The following RBFOX3 variants were observed in gnomAD, a reference collection of about 807,000 sequenced individuals.
RBFOX3 encodes RNA binding fox-1 homolog 3.
A neutral mutation model predicts 48.7 loss-of-function variants in RBFOX3; 17 were observed. The observed-to-expected ratio is 0.35, with a 90% CI of 0.24 to 0.52. The LOEUF is 0.52. RBFOX3 is among the 20% of genes least tolerant of loss of function. The probability of loss-of-function intolerance (pLI) is 0.94; values close to 1 mark genes in which losing one functional copy is unlikely to be tolerated. For synonymous variants in RBFOX3, 212 were observed against 209.5 expected, an observed-to-expected ratio of 1.01 and a Z score of -0.10; for missense variants, 382 against 497.5, an observed-to-expected ratio of 0.77 and a Z score of 2.21.
chr17:79,395,919 A>G (rs1106281), intron 2 of RBFOX3, among the ~76,000 whole-genome samples: 21,800 of 152,180 alleles, frequency 0.14, 1,494 homozygotes, highest in Middle Eastern at 0.2. Context: ...GCCATGGGGC[A>G]TCCCTCACCC....
intron 2 of RBFOX3, among the ~76,000 whole-genome samples, chr17:79,404,235 G>A (rs2063238038): frequency 6.6e-6 from 1 of 152,246 alleles, no homozygotes; most frequent in Non-Finnish European, 1.5e-5. Context: ...GGCCCGTGAG[G>A]ACAGTGGGCG....
intron 2 of RBFOX3, among the ~76,000 whole-genome samples, chr17:79,319,326 G>A (rs1404592509): frequency 6.6e-6 from 1 of 152,252 alleles, no homozygotes; most frequent in African/African-American, 2.4e-5. Context: ...AGGCGAGGAA[G>A]GTAGGAGATG....
At chr17:79,583,205 A>G (rs1366813408) in intron 1 of RBFOX3, among the ~76,000 whole-genome samples, 3 of 152,210 alleles carry the variant, frequency 2.0e-5, no homozygotes, top group Admixed American at 6.5e-5. Flanking sequence ...GGCCTCCCCA[A>G]GCCTCAGCTT....
At position 79,254,001 on chromosome 17, in the gene RBFOX3, C is replaced by G. The variant is rs558294177; in HGVS notation, c.-73-18196G>C. ...AAACCTAAGCACTTTTCTCTTCCCC[C>G]ACGCAGCCTCTGAGGGCGGGTATGG... On this transcript the variant is annotated intron_variant, in intron 3 of 14. Transcript: ENST00000693108. This position sits in a 1 kb window ranked among gnomAD's most constrained non-coding sequence, Gnocchi z 4.8. Among the ~76,000 whole-genome samples the G allele has an allele frequency of 2.2e-4, 33 of 152,304 alleles. No homozygotes were observed. The highest frequency in any genetic ancestry group is 4.3e-4 in the African/African-American group (18 of 41,552).
At chr17:79,173,385 A>G (rs1355604445) in intron 4 of RBFOX3, among the ~76,000 whole-genome samples, 3 of 152,200 alleles carry the variant, frequency 2.0e-5, no homozygotes, top group African/African-American at 7.2e-5. Context: ...GAGACAGCTC[A>G]TGCTAAAGGC....
At chr17:79,454,331 TG>T (rs2074094353) in intron 2 of RBFOX3, among the ~76,000 whole-genome samples, 1 of 152,114 alleles carries the variant, frequency 6.6e-6, no homozygotes, top group Non-Finnish European at 1.5e-5. Context: ...TGCCTACATC[TG>T]TCCTGCCCCA....
chr17:79,232,477 T>A (rs1489271701), intron 4 of RBFOX3, among the ~76,000 whole-genome samples: 2 of 152,084 alleles, frequency 1.3e-5, no homozygotes, highest in Non-Finnish European at 1.5e-5. Flanking sequence ...AGACATAGAC[T>A]CACATACACA....
At chr17:79,640,961 T>C in the RBFOX3 span, among the ~76,000 whole-genome samples, 3 of 152,204 alleles carry the variant, frequency 2.0e-5, no homozygotes, top group African/African-American at 7.2e-5. Flanking sequence ...TGAGATTGCA[T>C]CAAACTAAAA....
chr17:79,440,267 G>C (rs186036433), intron 2 of RBFOX3, among the ~76,000 whole-genome samples: 2 of 152,330 alleles, frequency 1.3e-5, no homozygotes, highest in South Asian at 2.1e-4. Flanking sequence ...TCCTGCGGAC[G>C]GGCCGTGCTT....
chr17:79,334,720 C>A (rs1487454078), intron 2 of RBFOX3, among the ~76,000 whole-genome samples: 1 of 152,222 alleles, frequency 6.6e-6, no homozygotes, highest in African/African-American at 2.4e-5. Flanking sequence ...CACTCCAGCT[C>A]CCACACATCT....
intron 2 of RBFOX3, among the ~76,000 whole-genome samples, chr17:79,476,154 C>T (rs2077713575): frequency 6.6e-6 from 1 of 152,172 alleles, no homozygotes; most frequent in African/African-American, 2.4e-5. Flanking sequence ...GCGGCAGGGC[C>T]CTCCCTTCCC....
At chr17:79,588,296 C>G (rs1180266501) in intron 1 of RBFOX3, among the ~76,000 whole-genome samples, 2 of 152,170 alleles carry the variant, frequency 1.3e-5, no homozygotes, top group Admixed American at 1.3e-4. Flanking sequence ...CATGTGTTTT[C>G]TAATGCACTT....
Position 79,176,506 on chromosome 17 carries a change from C to G in RBFOX3, c.-34+59260G>C, listed in dbSNP as rs145264461. On this transcript the variant is annotated intron_variant, in intron 4 of 14. Coordinates refer to ENST00000693108, the MANE Select transcript of RBFOX3 (RefSeq NM_001350451.2). ...CCTTCCAGAGCCGAACTCGCTGCCC[C>G]GGAGGGACTGTGAAACCAATGGCCA... Among the ~76,000 whole-genome samples the G allele has an allele frequency of 4.6e-3, 703 of 152,372 alleles. 6 individuals are homozygous for G. The highest frequency in any genetic ancestry group is 0.022 in the South Asian group (105 of 4,826).
chr17:79,347,614 G>A (rs2083130480), intron 2 of RBFOX3, among the ~76,000 whole-genome samples: 2 of 151,986 alleles, frequency 1.3e-5, no homozygotes, highest in South Asian at 2.1e-4. Flanking sequence ...ATTCACAAAT[G>A]CATTCCTCAG....
chr17:79,114,578 G>A (rs916092931), intron 5 of RBFOX3, among the ~76,000 whole-genome samples: 2 of 152,364 alleles, frequency 1.3e-5, no homozygotes, highest in South Asian at 2.1e-4. Context: ...CAGGCTGGAC[G>A]GCAGGAGGGC....
At chr17:79,119,842 G>A (rs978640040) in intron 4 of RBFOX3, among the ~76,000 whole-genome samples, 3 of 152,196 alleles carry the variant, frequency 2.0e-5, no homozygotes, top group Admixed American at 6.5e-5. Flanking sequence ...CTAGAGAAGT[G>A]TCCACACCTG....
intron 3 of RBFOX3, among the ~76,000 whole-genome samples, chr17:79,259,554 C>CAGGACTCTGGGGGCCCAGGT (rs1461265113): frequency 4.7e-4 from 72 of 152,178 alleles, no homozygotes; most frequent in Non-Finnish European, 9.1e-4. Context: ...AGGGAGCAGG[C>CAGGACTCTGGGGGCCCAGGT]AGGACTCTGG....
chr17:79,541,959 C>T (rs1435262861), intron 1 of RBFOX3, among the ~76,000 whole-genome samples: 1 of 152,000 alleles, frequency 6.6e-6, no homozygotes, highest in African/African-American at 2.4e-5. Flanking sequence ...CACTGGCTGC[C>T]GGGGCCTTCC....
intron 1 of RBFOX3, among the ~76,000 whole-genome samples, chr17:79,516,946 G>T (rs1160834276): frequency 6.6e-6 from 1 of 152,100 alleles, no homozygotes; most frequent in Non-Finnish European, 1.5e-5. Flanking sequence ...GACACAGAAG[G>T]TAGAATGGGG....
Sources: gnomAD v4.1 joint callset for allele counts (sites outside exome capture counted in the v4.1 genomes callset) on GRCh38, gnomAD v4.1.1 for gene constraint, Gnocchi (gnomAD v3.1) non-coding constraint, MANE v1.5 for transcripts, NCBI Gene and HGNC (gene_info 2026-07-23, HGNC 2026-07-21) for gene names.